Variants in SHLD1 observed in about 807,000 individuals in gnomAD.
SHLD1 encodes the protein RINN1-REV7-interacting novel NHEJ regulator 3.
SHLD1 carries 3 observed loss-of-function variants against 5.5 expected under a neutral mutation model. The observed-to-expected ratio is 0.54, with a 90% CI of 0.25 to 1.40. SHLD1 has a LOEUF of 1.40. Ranked by LOEUF, SHLD1 falls within the 40% of genes most tolerant of loss-of-function variation. SHLD1 has a pLI of 0.15. For missense variants in SHLD1, 210 were observed against 244.4 expected (o/e 0.86, Z 0.94); for synonymous variants, 92 against 94.3 (o/e 0.98, Z 0.14).
rs762410905 is a variant in SHLD1 at position 5,863,162 on chromosome 20, T to G, written c.317T>G (p.Phe106Cys). ...RKSLDRFYEM[F>C]GHPQPGSANS... ...TCCCTGGATAGATTCTATGAAATGT[T>G]TGGTCATCCACAGCCAGGCTCTGCA... The change falls in exon 3 of 3, where the codon TTT (phenylalanine) becomes TGT (cysteine). Residue 106 changes from phenylalanine to cysteine, a missense_variant. Coordinates refer to ENST00000303142, the MANE Select transcript of SHLD1 (RefSeq NM_152504.4). 63 of 1,614,046 alleles carry G rather than the reference T, an allele frequency of 3.9e-5. No individual in the cohort carries two copies. The highest frequency in any genetic ancestry group is 5.1e-5 in the Non-Finnish European group (60 of 1,180,022).
At chr20:5,857,002 A>C (rs1228813938) in intron 2 of SHLD1, among the ~76,000 whole-genome samples, 2 of 151,984 alleles carry the variant, frequency 1.3e-5, no homozygotes, top group African/African-American at 2.4e-5. Flanking sequence ...GTTTTGTTGA[A>C]ACAGAGTCTC....
At chr20:5,812,084 T>C (rs1387853138) in intron 2 of SHLD1, among the ~76,000 whole-genome samples, 4 of 150,276 alleles carry the variant, frequency 2.7e-5, no homozygotes, top group African/African-American at 4.9e-5. Context: ...TTTTTTCTTT[T>C]TTTTTCTTTT....
At chr20:5,793,347 G>A (rs1019086581) in intron 2 of SHLD1, among the ~76,000 whole-genome samples, 3 of 152,144 alleles carry the variant, frequency 2.0e-5, no homozygotes, top group South Asian at 2.1e-4. Flanking sequence ...ATTTGTTTAT[G>A]TAGAGATTTT....
chr20:5,780,403 C>A (rs1985633719), intron 2 of SHLD1, among the ~76,000 whole-genome samples: 1 of 152,116 alleles, frequency 6.6e-6, no homozygotes, highest in African/African-American at 2.4e-5. Flanking sequence ...CACAGCACAG[C>A]CCAGCAACAG....
intron 2 of SHLD1, among the ~76,000 whole-genome samples, chr20:5,793,563 T>C (rs1175787940): frequency 6.6e-6 from 1 of 152,216 alleles, no homozygotes; most frequent in Non-Finnish European, 1.5e-5. Flanking sequence ...ATTATATAAA[T>C]AGGCACCTCC....
At chr20:5,804,273 T>C (rs1383196046) in intron 2 of SHLD1, among the ~76,000 whole-genome samples, 1 of 151,588 alleles carries the variant, frequency 6.6e-6, no homozygotes, top group Non-Finnish European at 1.5e-5. Flanking sequence ...GTACTTACTA[T>C]ATATATATAG....
chr20:5,772,386 G>A (rs556711389), intron 1 of SHLD1, among the ~76,000 whole-genome samples: 1 of 152,172 alleles, frequency 6.6e-6, no homozygotes, highest in African/African-American at 2.4e-5. Context: ...GTTCAGATAC[G>A]CTGGACAGGG....
At position 5,772,941 on chromosome 20, in the gene SHLD1, A is replaced by G. The variant is rs768146402; in HGVS notation, c.76A>G (p.Ile26Val). Residue 26 changes from isoleucine to valine, a missense_variant, in exon 2 of 3, where the codon ATA (isoleucine) becomes GTA (valine). Physicochemically the swap from Ile to Val is conservative, Grantham distance 29. Transcript: ENST00000303142. ...TTTGGACCTGCCATCAGCGTGTGACATAAGAGATTACGTCCTGCAGGGACC... is the reference window on the plus strand; with the variant it reads ...TTTGGACCTGCCATCAGCGTGTGACGTAAGAGATTACGTCCTGCAGGGACC... ...SALDLPSACD[I>V]RDYVLQGPSQ... The G allele has an allele frequency of 8.7e-6, 14 of 1,614,046 alleles. No individual in the cohort carries two copies. The highest frequency in any genetic ancestry group is 1.6e-4 in the Middle Eastern group (1 of 6,084).
rs552329368 is a variant in SHLD1 at position 5,855,488 on chromosome 20, C to T, written c.179-7536C>T. On this transcript the variant is annotated intron_variant, in intron 2 of 2. Transcript: ENST00000303142. This position sits in a 1 kb window ranked among gnomAD's most constrained non-coding sequence, Gnocchi z 4.4. ...CCGCGTTCAAGAGATTCTTGTGCCT[C>T]AGCCACCCGAGTAGCTGGGACTACA... 1.7e-4 allele frequency among the ~76,000 whole-genome samples: 26 copies of T among 152,246 alleles called. No homozygotes were observed. The highest frequency in any genetic ancestry group is 1.4e-3 in the Admixed American group (21 of 15,290).
intron 2 of SHLD1, among the ~76,000 whole-genome samples, chr20:5,825,728 A>G (rs1297504283): frequency 6.6e-6 from 1 of 152,248 alleles, no homozygotes; most frequent in Non-Finnish European, 1.5e-5. Flanking sequence ...GTGACAGAGC[A>G]GAACCCTGTC....
At chr20:5,764,150 A>ATATATATTTATATATATATATATATATT (rs1568490038) in intron 1 of SHLD1, among the ~76,000 whole-genome samples, 4 of 56,214 alleles carry the variant, frequency 7.1e-5, no homozygotes, top group African/African-American at 2.0e-4. Context: ...ATATATATAT[A>ATATATATTTATATATATATATATATATT]TTTATATTTA....
intron 2 of SHLD1, among the ~76,000 whole-genome samples, chr20:5,817,473 T>TATGTG (rs2087551252): frequency 6.9e-6 from 1 of 145,828 alleles, no homozygotes; most frequent in Non-Finnish European, 1.5e-5. Context: ...TGTGTGTGTG[T>TATGTG]TGGGATTACA....
intron 2 of SHLD1, among the ~76,000 whole-genome samples, chr20:5,862,067 C>CTTA (rs2088169764): frequency 6.6e-6 from 1 of 152,076 alleles, no homozygotes; most frequent in African/African-American, 2.4e-5. Flanking sequence ...TATAAGGATC[C>CTTA]TTTCAGATTA....
chr20:5,801,478 A>C (rs6038292), intron 2 of SHLD1, among the ~76,000 whole-genome samples: 137,256 of 152,246 alleles, frequency 0.9, 61,951 homozygotes, highest in East Asian at 1. Flanking sequence ...AGTGAACGAG[A>C]ATCAAGTATC....
In SHLD1 at chr20:5,853,503, T is replaced by C. The variant is rs918276059; in HGVS notation, c.179-9521T>C. 2.6e-5 allele frequency among the ~76,000 whole-genome samples: 4 copies of C among 152,160 alleles called. No individual in the cohort carries two copies. In the South Asian group the frequency reaches 8.3e-4, roughly 32 times the overall value. ...GTGTGTGTGTGTATTTAGGTGATATTAGGTTTGTTGTTTTTCATTCAAGAC... is the reference window on the plus strand; with the variant it reads ...GTGTGTGTGTGTATTTAGGTGATATCAGGTTTGTTGTTTTTCATTCAAGAC... On this transcript the variant is annotated intron_variant, in intron 2 of 2. Transcript: ENST00000303142.
intron 2 of SHLD1, among the ~76,000 whole-genome samples, chr20:5,807,433 C>T (rs1365426168): frequency 6.6e-6 from 1 of 150,716 alleles, no homozygotes; most frequent in Admixed American, 6.6e-5. Context: ...TTTGATAATG[C>T]GATCATATCT....
chr20:5,764,215 G>GTATATATATA (rs1225900197), intron 1 of SHLD1, among the ~76,000 whole-genome samples: 1 of 109,584 alleles, frequency 9.1e-6, no homozygotes, highest in African/African-American at 3.6e-5. Context: ...ATATTTGTGT[G>GTATATATATA]TGTGTATATA....
chr20:5,846,199 A>T (rs1600174945), intron 2 of SHLD1, among the ~76,000 whole-genome samples: 1 of 152,262 alleles, frequency 6.6e-6, no homozygotes, highest in East Asian at 1.9e-4. Context: ...CCAAATATTG[A>T]CTTGTTGATT....
intron 2 of SHLD1, among the ~76,000 whole-genome samples, chr20:5,798,649 A>T (rs1293912862): frequency 3.7e-5 from 3 of 81,654 alleles, no homozygotes; most frequent in Admixed American, 1.3e-4. Context: ...ACGGAGTCTT[A>T]CTCTGTCGCC....
Sources: allele counts gnomAD v4.1 joint callset (sites outside exome capture counted in the v4.1 genomes callset), GRCh38; gene constraint gnomAD v4.1.1; non-coding constraint Gnocchi (gnomAD v3.1); transcripts MANE v1.5; gene names NCBI Gene and HGNC (gene_info 2026-07-23, HGNC 2026-07-21).